Variants in FOXE1 observed in about 807,000 individuals in gnomAD.
FOXE1 encodes forkhead box protein E1.
In FOXE1, 4 loss-of-function variants were observed where a neutral mutation model predicts 2.1. The observed-to-expected ratio is 1.91, with a 90% CI of 0.94 to 4.37. FOXE1 has a LOEUF of 4.37. Among genes scored for constraint, FOXE1 ranks in the 30% most tolerant of loss-of-function variants. FOXE1 has a pLI of 0.01. For synonymous variants in FOXE1, 277 were observed against 272.4 expected, an observed-to-expected ratio of 1.02 and a Z score of -0.17; for missense variants, 574 against 583.3, an observed-to-expected ratio of 0.98 and a Z score of 0.16.
Position 97,854,449 on chromosome 9 carries a change from G to A in FOXE1, c.535G>A (p.Ala179Thr). Reference protein sequence around the residue: ...AAAAAAAAAAAIFPGAVPAAR... With the variant: ...AAAAAAAAAATIFPGAVPAAR... ...CGCCGCCGCCGCCGCCGCCGCCGCC[G>A]CCATCTTCCCAGGCGCGGTGCCCGC... The change falls in exon 1 of 1, where the codon GCC (alanine) becomes ACC (threonine). Residue 179 changes from alanine to threonine, a missense_variant. By Grantham distance (58) the Ala-to-Thr change is moderately conservative (BLOSUM62 0). Transcript: ENST00000375123. 2 of 1,167,432 alleles carry A rather than the reference G, an allele frequency of 1.7e-6. No homozygotes were observed. Among genetic ancestry groups the A allele is most frequent in the Non-Finnish European group, 2.1e-6 (2 of 935,788 alleles). The allele number at this position is 1,167,432 out of a possible 1,614,324, so 72.3% of individuals were successfully genotyped here.
chr9:97,855,772 A>G lies in FOXE1; in HGVS notation c.*736A>G, dbSNP rs1288730928. Reference sequence around the variant, plus strand: ...GATGCTGCCCTGCGTATTTGGCAGCAATGGTGGGCCACCCAGGGCCTCTGA... The same window carrying G: ...GATGCTGCCCTGCGTATTTGGCAGCGATGGTGGGCCACCCAGGGCCTCTGA... On this transcript the variant is annotated 3_prime_UTR_variant, in exon 1 of 1. Coordinates refer to ENST00000375123, the MANE Select transcript of FOXE1 (RefSeq NM_004473.4). 6.0e-6 allele frequency: 1 copy of G among 167,094 alleles called. No homozygotes were observed. The highest frequency in any genetic ancestry group is 2.4e-5 in the African/African-American group (1 of 41,444). The allele number at this position is 167,094 out of a possible 1,614,324, so 10.4% of individuals were successfully genotyped here. A position where few individuals can be genotyped will look rare whatever the true frequency, so the allele number is the denominator to read the frequency against.
rs1334758145 is a variant in FOXE1, at chr9:97,854,716, G to T, written c.802G>T (p.Gly268Trp). Residue 268 changes from glycine to tryptophan, a missense_variant, in exon 1 of 1, where the codon GGG becomes TGG. Physicochemically the swap from Gly to Trp is radical, Grantham distance 184. Coordinates refer to ENST00000375123, the MANE Select transcript of FOXE1 (RefSeq NM_004473.4). ...CGGCTACCAGCCCGCAGGCTGCACC[G>T]GGGCCCGGCCGGCCAACCCCTCCGC... is the stretch of plus-strand genomic sequence containing the variant. ...TTGYQPAGCTGARPANPSAYA... is the reference protein window; with the variant it reads ...TTGYQPAGCTWARPANPSAYA... The T allele has an allele frequency of 7.1e-7, 1 of 1,409,482 alleles. No homozygotes were observed. 87.3% of individuals were successfully genotyped at this position (1,409,482 alleles called of 1,614,324 possible).
rs1313022419 is a variant in FOXE1 at position 97,855,914 on chromosome 9, CTTT to C, written c.*880_*882del. 1.2e-5 allele frequency: 2 copies of C among 167,018 alleles called. No individual in the cohort carries two copies. Among genetic ancestry groups the C allele is most frequent in the African/African-American group, 2.4e-5 (1 of 41,462 alleles). 10.3% of individuals were successfully genotyped at this position (167,018 alleles called of 1,614,324 possible). A position where few individuals can be genotyped will look rare whatever the true frequency, so the allele number is the denominator to read the frequency against. On this transcript the variant is annotated 3_prime_UTR_variant, in exon 1 of 1. Coordinates refer to ENST00000375123, the MANE Select transcript of FOXE1 (RefSeq NM_004473.4). ...AGCAATTATATCATAACTTATTGAA[CTTT>C]TGAGCAGGACGTGCTGGTAATTTCA... is the stretch of plus-strand genomic sequence containing the variant.
At position 97,855,226 on chromosome 9, in the gene FOXE1, G is replaced by A. The variant is rs1830657361; in HGVS notation, c.*190G>A. On this transcript the variant is annotated 3_prime_UTR_variant, in exon 1 of 1. Transcript: ENST00000375123. ...TACTCTGTAAACGGGAGGAGGTGGG[G>A]CGAGGCAGCCAGAGCCCTTGGACTG... is the stretch of plus-strand genomic sequence containing the variant. 2.7e-6 allele frequency: 2 copies of A among 743,982 alleles called. No individual in the cohort carries two copies. The highest frequency in any genetic ancestry group is 5.4e-5 in the East Asian group (2 of 36,898). The allele number at this position is 743,982 out of a possible 1,614,324, so 46.1% of individuals were successfully genotyped here. A position where few individuals can be genotyped will look rare whatever the true frequency, so the allele number is the denominator to read the frequency against.
chr9:97,855,297 C>G lies in FOXE1; in HGVS notation c.*261C>G. On this transcript the variant is annotated 3_prime_UTR_variant, in exon 1 of 1. Transcript: ENST00000375123. Reference sequence around the variant, plus strand: ...GCGAAGCCCTCAAACGGGATGCTTTCTGGTATTCTATCGGGGAGGGTCCTT... The same window carrying G: ...GCGAAGCCCTCAAACGGGATGCTTTGTGGTATTCTATCGGGGAGGGTCCTT... The G allele has an allele frequency of 1.7e-6, 1 of 604,476 alleles. No homozygotes were observed. The highest frequency in any genetic ancestry group is 3.0e-6 in the Non-Finnish European group (1 of 328,196). 37.4% of individuals were successfully genotyped at this position (604,476 alleles called of 1,614,324 possible). A position where few individuals can be genotyped will look rare whatever the true frequency, so the allele number is the denominator to read the frequency against.
chr9:97,855,258 G>A lies in FOXE1; in HGVS notation c.*222G>A. 1.5e-6 allele frequency: 1 copy of A among 648,146 alleles called. No homozygotes were observed. Among genetic ancestry groups the A allele is most frequent in the Non-Finnish European group, 2.8e-6 (1 of 353,962 alleles). 40.1% of individuals were successfully genotyped at this position (648,146 alleles called of 1,614,324 possible). ...AGCCAGAGCCCTTGGACTGGCACAG[G>A]GACCCTCGATGGAGCGAAGCCCTCA... On this transcript the variant is annotated 3_prime_UTR_variant, in exon 1 of 1. Transcript: ENST00000375123.
At position 97,854,504 on chromosome 9, in the gene FOXE1, A is replaced by G; in HGVS notation, c.590A>G (p.Tyr197Cys). 1 of 1,241,714 alleles carries G rather than the reference A, an allele frequency of 8.1e-7. No homozygotes were observed. Among genetic ancestry groups the G allele is most frequent in the Non-Finnish European group, 1.0e-6 (1 of 997,102 alleles). 76.9% of individuals were successfully genotyped at this position (1,241,714 alleles called of 1,614,324 possible). A position where few individuals can be genotyped will look rare whatever the true frequency, so the allele number is the denominator to read the frequency against. ...CGCCCCCCCTACCCGGGCGCCGTCT[A>G]TGCAGGCTACGCGCCGCCGTCGCTG... ...AARPPYPGAV[Y>C]AGYAPPSLAA... Residue 197 changes from tyrosine (Y) to cysteine (C), a missense_variant, in exon 1 of 1, where the codon TAT (tyrosine) becomes TGT (cysteine). Physicochemically the swap from Tyr to Cys is radical, Grantham distance 194. This residue lies in a region of FOXE1 where 316 missense variants were observed against 288.4 expected (regional missense o/e 1.10). Transcript: ENST00000375123.
chr9:97,854,836 T>G lies in FOXE1; in HGVS notation c.922T>G (p.Ser308Ala). Reference protein sequence around the residue: ...AAAGRLAGPASPPAGGSSGGV... With the variant: ...AAAGRLAGPAAPPAGGSSGGV... ...TGCTGGCCGCCTGGCGGGACCCGCT[T>G]CGCCCCCAGCGGGCGGCAGCAGTGG... is the stretch of plus-strand genomic sequence containing the variant. Residue 308 changes from serine to alanine, a missense_variant, in exon 1 of 1, where the codon TCG becomes GCG. Transcript: ENST00000375123. 6.5e-7 allele frequency: 1 copy of G among 1,544,802 alleles called. No homozygotes were observed. The highest frequency in any genetic ancestry group is 8.7e-7 in the Non-Finnish European group (1 of 1,152,844).
In FOXE1 at chr9:97,854,044, C is replaced by A; in HGVS notation, c.130C>A (p.Arg44Ser). The change falls in exon 1 of 1, where the codon CGC becomes AGC. Residue 44 changes from arginine (R) to serine (S), a missense_variant. Physicochemically the swap from Arg to Ser is moderately radical, Grantham distance 110. Transcript: ENST00000375123. ...CACGGGCCGCGGGGCGGGCGGGCGG[C>A]GCCGCAAGCGCCCCCTGCAGCGCGG... ...EATGRGAGGR[R>S]RKRPLQRGKP... The A allele has an allele frequency of 1.4e-6, 2 of 1,471,752 alleles. No homozygotes were observed. The highest frequency in any genetic ancestry group is 5.3e-5 in the Admixed American group (2 of 37,872). 91.2% of individuals were successfully genotyped at this position (1,471,752 alleles called of 1,614,324 possible).
chr9:97,854,002 G>A lies in FOXE1; in HGVS notation c.88G>A (p.Gly30Arg), dbSNP rs908320588. Residue 30 changes from glycine (G) to arginine (R), a missense_variant, in exon 1 of 1, where the codon GGG becomes AGG. Physicochemically the swap from Gly to Arg is moderately radical, Grantham distance 125 (BLOSUM62 -2). Transcript: ENST00000375123. ...EERGETAAGAGVPGEATGRGA... is the reference protein window; with the variant it reads ...EERGETAAGARVPGEATGRGA... ...GCGCGGCGAGACGGCAGCAGGGGCC[G>A]GGGTCCCAGGGGAGGCCACGGGCCG... The A allele has an allele frequency of 3.1e-5, 42 of 1,354,756 alleles. No homozygotes were observed. The highest frequency in any genetic ancestry group is 3.1e-4 in the African/African-American group (20 of 64,772). 83.9% of individuals were successfully genotyped at this position (1,354,756 alleles called of 1,614,324 possible).
In FOXE1 at chr9:97,853,999, G is replaced by T. The variant is rs1830625867; in HGVS notation, c.85G>T (p.Ala29Ser). 3.7e-6 allele frequency: 5 copies of T among 1,354,388 alleles called. No homozygotes were observed. Among genetic ancestry groups the T allele is most frequent in the South Asian group, 2.0e-5 (1 of 49,782 alleles). 83.9% of individuals were successfully genotyped at this position (1,354,388 alleles called of 1,614,324 possible). Residue 29 changes from alanine to serine, a missense_variant, in exon 1 of 1, where the codon GCC (alanine) becomes TCC (serine). Ala to Ser is a moderately conservative substitution (Grantham distance 99, BLOSUM62 1). Transcript: ENST00000375123. ...AGAGCGCGGCGAGACGGCAGCAGGG[G>T]CCGGGGTCCCAGGGGAGGCCACGGG... ...KEERGETAAG[A>S]GVPGEATGRG...
chr9:97,853,841 G>C lies in FOXE1; in HGVS notation c.-74G>C, dbSNP rs1181787271. 2.6e-5 allele frequency: 31 copies of C among 1,176,448 alleles called. No individual in the cohort carries two copies. Among genetic ancestry groups the C allele is most frequent in the Non-Finnish European group, 3.3e-5 (31 of 938,986 alleles). The allele number at this position is 1,176,448 out of a possible 1,614,324, so 72.9% of individuals were successfully genotyped here. A position where few individuals can be genotyped will look rare whatever the true frequency, so the allele number is the denominator to read the frequency against. On this transcript the variant is annotated 5_prime_UTR_variant, in exon 1 of 1. Coordinates refer to ENST00000375123, the MANE Select transcript of FOXE1 (RefSeq NM_004473.4). Reference sequence around the variant, plus strand: ...CGCAGAAGGGCCGAGCGTCCGTTCCGGGGACGCCAGGCCCGCCCCCGCCCC... The same window carrying C: ...CGCAGAAGGGCCGAGCGTCCGTTCCCGGGACGCCAGGCCCGCCCCCGCCCC...
chr9:97,853,949 C>G lies in FOXE1; in HGVS notation c.35C>G (p.Pro12Arg), dbSNP rs1830625034. Residue 12 changes from proline (P) to arginine (R), a missense_variant, in exon 1 of 1, where the codon CCG (proline) becomes CGG (arginine). This residue lies in a region of FOXE1 where 249 missense variants were observed against 269.6 expected (regional missense o/e 0.92). Transcript: ENST00000375123. ...TAESGPPPPQ[P>R]EVLATVKEER... ...GAGAGCGGGCCGCCGCCGCCGCAGC[C>G]GGAGGTGCTGGCTACCGTGAAGGAA... is the stretch of plus-strand genomic sequence containing the variant. 3.1e-6 allele frequency: 4 copies of G among 1,304,534 alleles called. No individual in the cohort carries two copies. In the South Asian group the frequency reaches 7.5e-5, roughly 25 times the overall value. 80.8% of individuals were successfully genotyped at this position (1,304,534 alleles called of 1,614,324 possible). A position where few individuals can be genotyped will look rare whatever the true frequency, so the allele number is the denominator to read the frequency against.
rs771953408 is a variant in FOXE1, at chr9:97,854,427, C to T, written c.513C>T (p.Ala171=). 3.6e-5 allele frequency: 37 copies of T among 1,026,086 alleles called. No individual in the cohort carries two copies. Among genetic ancestry groups the T allele is most frequent in the Non-Finnish European group, 3.2e-5 (26 of 813,468 alleles). 63.6% of individuals were successfully genotyped at this position (1,026,086 alleles called of 1,614,324 possible). The part of the protein sequence containing the change: ...MHDAAAAAAA[A]AAAAAAAAIF... Reference sequence around the variant, plus strand: ...ACGCGGCGGCTGCCGCAGCCGCCGCCGCCGCCGCCGCCGCCGCCGCCGCCA... The same window carrying T: ...ACGCGGCGGCTGCCGCAGCCGCCGCTGCCGCCGCCGCCGCCGCCGCCGCCA... Residue 171 remains alanine (A), a synonymous_variant, in exon 1 of 1, where the codon GCC becomes GCT. Coordinates refer to ENST00000375123, the MANE Select transcript of FOXE1 (RefSeq NM_004473.4).
rs1830634744 is a variant in FOXE1, at chr9:97,854,381, C to T, written c.467C>T (p.Thr156Ile). The stretch of plus-strand genomic sequence containing the variant: ...CGCTTCAAGCGCTCGGACCTCTCCA[C>T]CTACCCGGCTTACATGCACGACGCG... ...RKRFKRSDLS[T>I]YPAYMHDAAA... The change falls in exon 1 of 1, where the codon ACC becomes ATC. Residue 156 changes from threonine to isoleucine, a missense_variant. Physicochemically the swap from Thr to Ile is moderately conservative, Grantham distance 89 (BLOSUM62 -1). Transcript: ENST00000375123. 6.6e-7 allele frequency: 1 copy of T among 1,516,368 alleles called. No homozygotes were observed. The highest frequency in any genetic ancestry group is 1.4e-5 in the African/African-American group (1 of 69,790). The allele number at this position is 1,516,368 out of a possible 1,614,324, so 93.9% of individuals were successfully genotyped here.
In FOXE1 at chr9:97,855,003, C is replaced by T; in HGVS notation, c.1089C>T (p.Pro363=). 1 of 1,609,854 alleles carries T rather than the reference C, an allele frequency of 6.2e-7. No homozygotes were observed. The highest frequency in any genetic ancestry group is 8.5e-7 in the Non-Finnish European group (1 of 1,180,000). The stretch of plus-strand genomic sequence containing the variant: ...ATGCTCGCCATGCTGCCGCTTATCC[C>T]GGTGGGATAGATCGGTTCGTGTCCG... ...AYHARHAAAY[P]GGIDRFVSAM The change falls in exon 1 of 1, where the codon CCC becomes CCT. Residue 363 remains proline (P), a synonymous_variant. Coordinates refer to ENST00000375123, the MANE Select transcript of FOXE1 (RefSeq NM_004473.4).
chr9:97,855,028 G>T lies in FOXE1; in HGVS notation c.1114G>T (p.Ala372Ser), dbSNP rs747177483. ...CGGTGGGATAGATCGGTTCGTGTCC[G>T]CCATGTGAGCCAGCGTAGGGACGAA... The part of the protein sequence containing the change: ...YPGGIDRFVS[A>S]M Residue 372 changes from alanine (A) to serine (S), a missense_variant, in exon 1 of 1, where the codon GCC (alanine) becomes TCC (serine). This residue lies in a region of FOXE1 where 316 missense variants were observed against 288.4 expected (regional missense o/e 1.10). Coordinates refer to ENST00000375123, the MANE Select transcript of FOXE1 (RefSeq NM_004473.4). 6.2e-7 allele frequency: 1 copy of T among 1,611,828 alleles called. No individual in the cohort carries two copies. The highest frequency in any genetic ancestry group is 1.1e-5 in the South Asian group (1 of 91,080).
In FOXE1 at chr9:97,854,847, G is replaced by A. The variant is rs764532591; in HGVS notation, c.933G>A (p.Ala311=). The part of the protein sequence containing the change: ...GRLAGPASPP[A]GGSSGGVETT... ...TGGCGGGACCCGCTTCGCCCCCAGC[G>A]GGCGGCAGCAGTGGCGGCGTGGAGA... is the stretch of plus-strand genomic sequence containing the variant. Residue 311 remains alanine, a synonymous_variant, in exon 1 of 1, where the codon GCG becomes GCA. Coordinates refer to ENST00000375123, the MANE Select transcript of FOXE1 (RefSeq NM_004473.4). The A allele has an allele frequency of 7.7e-6, 12 of 1,550,380 alleles. No homozygotes were observed. The highest frequency in any genetic ancestry group is 4.1e-5 in the African/African-American group (3 of 73,782).
Position 97,854,528 on chromosome 9 carries a change from T to A in FOXE1, c.614T>A (p.Leu205Gln). 1 of 1,255,274 alleles carries A rather than the reference T, an allele frequency of 8.0e-7. No homozygotes were observed. The highest frequency in any genetic ancestry group is 1.0e-6 in the Non-Finnish European group (1 of 1,004,690). 77.8% of individuals were successfully genotyped at this position (1,255,274 alleles called of 1,614,324 possible). A position where few individuals can be genotyped will look rare whatever the true frequency, so the allele number is the denominator to read the frequency against. Residue 205 changes from leucine (L) to glutamine (Q), a missense_variant, in exon 1 of 1, where the codon CTG becomes CAG. Physicochemically the swap from Leu to Gln is moderately radical, Grantham distance 113. This residue lies in a region of FOXE1 where 316 missense variants were observed against 288.4 expected (regional missense o/e 1.10). Transcript: ENST00000375123. ...AVYAGYAPPS[L>Q]AAPPPVYYPA... is the part of the protein sequence containing the mutation. ...TATGCAGGCTACGCGCCGCCGTCGC[T>A]GGCCGCGCCGCCTCCAGTCTACTAC...
Sources: allele counts gnomAD v4.1 joint callset, GRCh38; gene constraint gnomAD v4.1.1; regional missense constraint gnomAD v4.1.1; transcripts MANE v1.5; gene names NCBI Gene and HGNC (gene_info 2026-07-23, HGNC 2026-07-21).